The following PRIM2 variants were observed in gnomAD, a reference collection of about 807,000 sequenced individuals.
PRIM2 encodes the protein DNA primase large subunit.
In PRIM2, 39 loss-of-function variants were observed where a neutral mutation model predicts 67.3. That is an observed-to-expected ratio of 0.58 (90% CI 0.45 to 0.76). PRIM2 has a LOEUF of 0.76. Ranked by LOEUF, PRIM2 falls within the 30% of genes least tolerant of loss-of-function variation. PRIM2 has a pLI of 0.00. For missense variants in PRIM2, 398 were observed against 598.7 expected (o/e 0.66, Z 3.50); for synonymous variants, 143 against 198.7 (o/e 0.72, Z 2.36).
intron 7 of PRIM2, among the ~76,000 whole-genome samples, chr6:57,427,278 T>C (rs1771664666): frequency 6.6e-6 from 1 of 152,220 alleles, no homozygotes; most frequent in Non-Finnish European, 1.5e-5. Flanking sequence ...TAAATTGTAA[T>C]TTAAACCAAA....
At chr6:57,254,957 G>C in the PRIM2 span, among the ~76,000 whole-genome samples, 532 of 152,260 alleles carry the variant, frequency 3.5e-3, 2 homozygotes, top group Middle Eastern at 0.017. Context: ...GGAAAACTTT[G>C]TAACTTTGAG....
the PRIM2 span, among the ~76,000 whole-genome samples, chr6:57,268,517 C>A: frequency 1.3e-5 from 2 of 151,956 alleles, no homozygotes; most frequent in Admixed American, 6.6e-5. Flanking sequence ...AGATTACAAT[C>A]AATATTTTTT....
At chr6:57,272,100 T>C in the PRIM2 span, among the ~76,000 whole-genome samples, 1 of 152,200 alleles carries the variant, frequency 6.6e-6, no homozygotes, top group Non-Finnish European at 1.5e-5. Context: ...GGAACGTATA[T>C]TCTATTGATT....
At chr6:57,378,657 G>C (rs1769853660) in intron 5 of PRIM2, among the ~76,000 whole-genome samples, 1 of 152,048 alleles carries the variant, frequency 6.6e-6, no homozygotes, top group Non-Finnish European at 1.5e-5. Flanking sequence ...ATTTGAATCA[G>C]GTACCGCCTT....
At position 57,449,696 on chromosome 6, in the gene PRIM2, G is replaced by A. The variant is rs902172009; in HGVS notation, c.694-57691G>A. ...GTGCTTGTAATCACTAAGCAAAGGA[G>A]TACTATAGATTAAATGTGTTGTAAA... is the stretch of plus-strand genomic sequence containing the variant. On this transcript the variant is annotated intron_variant, in intron 7 of 13. Coordinates refer to ENST00000615550, the MANE Select transcript of PRIM2 (RefSeq NM_000947.5). 2.6e-5 allele frequency among the ~76,000 whole-genome samples: 4 copies of A among 152,248 alleles called. No homozygotes were observed. The East Asian group carries it at 5.8e-4, about 22-fold the overall frequency.
intron 12 of PRIM2, among the ~76,000 whole-genome samples, chr6:57,626,356 A>G (rs1248726838): frequency 4.6e-5 from 7 of 152,216 alleles, no homozygotes; most frequent in Non-Finnish European, 1.0e-4. Context: ...TTGTATATGT[A>G]TGTGTTATAA....
chr6:57,484,371 G>A (rs1185510265), intron 7 of PRIM2, among the ~76,000 whole-genome samples: 2 of 152,122 alleles, frequency 1.3e-5, no homozygotes, highest in South Asian at 2.1e-4. Context: ...TGTTGTCGTC[G>A]CTTTCTTTTT....
At chr6:57,478,275 C>T (rs1385069635) in intron 7 of PRIM2, among the ~76,000 whole-genome samples, 12 of 151,346 alleles carry the variant, frequency 7.9e-5, no homozygotes, top group African/African-American at 2.4e-4. Flanking sequence ...GAAAGAGGTA[C>T]GTTGCCACTT....
At chr6:57,588,352 G>T (rs1416374740) in intron 10 of PRIM2, among the ~76,000 whole-genome samples, 1 of 151,724 alleles carries the variant, frequency 6.6e-6, no homozygotes, top group Non-Finnish European at 1.5e-5. Context: ...TGGGGAAGGG[G>T]GCAGGAAGTG....
At chr6:57,286,367 G>A in the PRIM2 span, among the ~76,000 whole-genome samples, 1 of 152,112 alleles carries the variant, frequency 6.6e-6, no homozygotes, top group African/African-American at 2.4e-5. Context: ...ATACTACAAG[G>A]CTACAGTAAC....
At position 57,423,796 on chromosome 6, in the gene PRIM2, T is replaced by C. The variant is rs141535207; in HGVS notation, c.693+41628T>C. Among the ~76,000 whole-genome samples, 431 of 152,338 alleles carry C rather than the reference T, an allele frequency of 2.8e-3. 5 individuals are homozygous for C. Among genetic ancestry groups the C allele is most frequent in the East Asian group, 6.2e-3 (32 of 5,182 alleles). On this transcript the variant is annotated intron_variant, in intron 7 of 13. Coordinates refer to ENST00000615550, the MANE Select transcript of PRIM2 (RefSeq NM_000947.5). The stretch of plus-strand genomic sequence containing the variant: ...TCCCCTAGAGTAGTACTCACTGTGA[T>C]TAAGGGTACATTGTTTCAGTAACTG...
intron 1 of PRIM2, among the ~76,000 whole-genome samples, chr6:57,318,008 G>C (rs1357078878): frequency 2.6e-5 from 4 of 152,258 alleles, no homozygotes; most frequent in East Asian, 3.9e-4. Context: ...TGAGTAACTG[G>C]ACCCAGTCCA....
intron 7 of PRIM2, among the ~76,000 whole-genome samples, chr6:57,500,527 A>T (rs1264123035): frequency 6.6e-6 from 1 of 152,224 alleles, no homozygotes; most frequent in Non-Finnish European, 1.5e-5. Flanking sequence ...CAAAGAATGG[A>T]AGGCAGTGTT....
chr6:57,253,193 TA>T, the PRIM2 span, among the ~76,000 whole-genome samples: 72,568 of 149,420 alleles, frequency 0.49, 17,893 homozygotes, highest in East Asian at 0.79. Context: ...ACATGCAAGT[TA>T]AAAAAAAAAA....
upstream of PRIM2, among the ~76,000 whole-genome samples, chr6:57,314,622 C>G (rs184802927): frequency 6.6e-6 from 1 of 152,358 alleles, no homozygotes; most frequent in East Asian, 1.9e-4. Flanking sequence ...ATGAATGAAA[C>G]AGTCATCCCT....
At chr6:57,405,247 G>C (rs1454175137) in intron 7 of PRIM2, among the ~76,000 whole-genome samples, 1 of 152,294 alleles carries the variant, frequency 6.6e-6, no homozygotes, top group African/African-American at 2.4e-5. Flanking sequence ...AAAGAAAGAT[G>C]CATCACCTGT....
At chr6:57,572,371 A>AT (rs1486566488) in intron 10 of PRIM2, among the ~76,000 whole-genome samples, 1 of 151,864 alleles carries the variant, frequency 6.6e-6, no homozygotes, top group Admixed American at 6.6e-5. Flanking sequence ...GTTTTAGTGC[A>AT]TTTTTTTTCC....
chr6:57,237,700 A>G, the PRIM2 span, among the ~76,000 whole-genome samples: 1 of 152,082 alleles, frequency 6.6e-6, no homozygotes, highest in East Asian at 1.9e-4. Context: ...TGTTTTTCTC[A>G]GGTTTGTCAA....
intron 10 of PRIM2, among the ~76,000 whole-genome samples, chr6:57,567,489 T>C (rs1775766684): frequency 6.6e-6 from 1 of 152,132 alleles, no homozygotes; most frequent in South Asian, 2.1e-4. Context: ...ATTTTTGACA[T>C]GATATTTTCA....
Sources: gnomAD v4.1 joint callset for allele counts (sites outside exome capture counted in the v4.1 genomes callset) on GRCh38, gnomAD v4.1.1 for gene constraint, MANE v1.5 for transcripts, NCBI Gene and HGNC (gene_info 2026-07-23, HGNC 2026-07-21) for gene names.